LRP5: variants seen among roughly 807,000 people sequenced by gnomAD.
LRP5 encodes the protein LDL receptor related protein 5, also known as low-density lipoprotein receptor-related protein 5.
Under a neutral mutation model 154.1 loss-of-function variants are expected in LRP5, and 62 were observed. The observed-to-expected ratio is 0.40, with a 90% CI of 0.33 to 0.50. LRP5 has a LOEUF of 0.50. Among genes scored for constraint, LRP5 ranks in the 20% least tolerant of loss-of-function variants. The pLI is 0.55. For synonymous variants in LRP5, 966 were observed against 1,011.5 expected (o/e 0.96, Z 0.85); for missense variants, 1,915 against 2,336.7 (o/e 0.82, Z 3.72).
chr11:68,412,654 AAAG>A (rs1253088497), intron 11 of LRP5, among the ~76,000 whole-genome samples: 17 of 151,816 alleles, frequency 1.1e-4, no homozygotes, highest in South Asian at 6.2e-4. Flanking sequence ...AAAAAAAAAA[AAAG>A]AAGAAGAAAA....
intron 7 of LRP5, among the ~76,000 whole-genome samples, chr11:68,396,468 A>G (rs943792112): frequency 2.0e-5 from 3 of 152,220 alleles, no homozygotes; most frequent in South Asian, 4.1e-4. Flanking sequence ...TTTGAACACA[A>G]TCAGGCTCCA....
In LRP5 at chr11:68,369,752, C is replaced by T. The variant is rs369732428; in HGVS notation, c.1015+4050C>T. ...CCCTCACGTATCAGAGTTCCAGGAA[C>T]GGGTGTGGGCCCTGATAAAATCCCA... On this transcript the variant is annotated intron_variant, in intron 5 of 22. Transcript: ENST00000294304. Among the ~76,000 whole-genome samples the T allele has an allele frequency of 2.0e-5, 3 of 152,080 alleles. No individual in the cohort carries two copies. In the East Asian group the frequency reaches 5.8e-4, roughly 29 times the overall value.
rs80358312 is a variant in LRP5 at position 68,403,607 on chromosome 11, G to A, written c.1709G>A (p.Arg570Gln). The change falls in exon 8 of 23, where the codon CGG becomes CAG. Residue 570 changes from arginine to glutamine, a missense_variant. Physicochemically the swap from Arg to Gln is conservative, Grantham distance 43 (BLOSUM62 1). Transcript: ENST00000294304. ...GACTGGCAGCGCCGCAGCATCGAGCGGGTGCACAAGGTCAAGGCCAGCCGG... is the reference window on the plus strand; with the variant it reads ...GACTGGCAGCGCCGCAGCATCGAGCAGGTGCACAAGGTCAAGGCCAGCCGG... ...WTDWQRRSIE[R>Q]VHKVKASRDV... 6 of 1,614,054 alleles carry A rather than the reference G, an allele frequency of 3.7e-6. No individual in the cohort carries two copies. The highest frequency in any genetic ancestry group is 5.1e-6 in the Non-Finnish European group (6 of 1,180,050).
chr11:68,418,093 C>A (rs187116115), intron 13 of LRP5, among the ~76,000 whole-genome samples: 1 of 152,174 alleles, frequency 6.6e-6, no homozygotes, highest in Non-Finnish European at 1.5e-5. Flanking sequence ...GTGTAGAATT[C>A]CAGGACAGGC....
chr11:68,338,711 C>T (rs1364952599), intron 1 of LRP5, among the ~76,000 whole-genome samples: 3 of 152,062 alleles, frequency 2.0e-5, no homozygotes, highest in Admixed American at 6.6e-5. Flanking sequence ...GTTCTACGCC[C>T]GATTAAACCA....
At chr11:68,431,993 CAGA>C (rs1242680251) in intron 17 of LRP5, among the ~76,000 whole-genome samples, 5 of 152,214 alleles carry the variant, frequency 3.3e-5, no homozygotes, top group East Asian at 1.9e-4. Context: ...AGGGAGATCA[CAGA>C]AGGACAGGGC....
the LRP5 span, among the ~76,000 whole-genome samples, chr11:68,302,324 T>A: frequency 9.7e-4 from 122 of 126,184 alleles, no homozygotes; most frequent in African/African-American, 3.6e-3. Flanking sequence ...CCAGCCCTGA[T>A]GACAGAGCAA....
At chr11:68,427,278 C>G (rs2098669319) in intron 16 of LRP5, among the ~76,000 whole-genome samples, 1 of 152,160 alleles carries the variant, frequency 6.6e-6, no homozygotes, top group Non-Finnish European at 1.5e-5. Flanking sequence ...GAGGGGCCTC[C>G]ACAGCTGGGA....
intron 1 of LRP5, among the ~76,000 whole-genome samples, chr11:68,332,435 C>T (rs2098603414): frequency 6.6e-6 from 1 of 152,232 alleles, no homozygotes. Flanking sequence ...CTGCTCTGCA[C>T]CAGGTTCCAC....
In LRP5 at chr11:68,360,576, G is replaced by A. The variant is rs544502142; in HGVS notation, c.686+2729G>A. Among the ~76,000 whole-genome samples, 12 of 152,292 alleles carry A rather than the reference G, an allele frequency of 7.9e-5. No individual in the cohort carries two copies. The East Asian group carries it at 2.3e-3, about 29-fold the overall frequency. On this transcript the variant is annotated intron_variant, in intron 3 of 22. Transcript: ENST00000294304. ...TCTGGAGCCACACAGACCTGTGCAG[G>A]CCCCTTTATCTGTGACTGTGGCTGG...
At chr11:68,383,245 G>A (rs2098641241) in intron 5 of LRP5, among the ~76,000 whole-genome samples, 2 of 152,160 alleles carry the variant, frequency 1.3e-5, no homozygotes, top group South Asian at 4.1e-4. Context: ...TGTGTTTTGG[G>A]ATCAAGTGCC....
chr11:68,333,964 G>A (rs749012601), intron 1 of LRP5, among the ~76,000 whole-genome samples: 3 of 152,136 alleles, frequency 2.0e-5, no homozygotes, highest in East Asian at 1.9e-4. Flanking sequence ...CAGACCAGGC[G>A]CGGTGGCTCA....
chr11:68,308,630 G>A (rs1276492415), upstream of LRP5, among the ~76,000 whole-genome samples: 1 of 152,176 alleles, frequency 6.6e-6, no homozygotes, highest in Non-Finnish European at 1.5e-5. Flanking sequence ...GAATAAAATA[G>A]TGCTGAATTT....
chr11:68,313,760 C>T (rs1354867155), intron 1 of LRP5, among the ~76,000 whole-genome samples: 2 of 152,264 alleles, frequency 1.3e-5, no homozygotes, highest in Admixed American at 6.5e-5. Context: ...GTGCACGCCG[C>T]GGCTCCTGTT....
At chr11:68,360,794 G>A (rs1245928756) in intron 3 of LRP5, among the ~76,000 whole-genome samples, 1 of 151,880 alleles carries the variant, frequency 6.6e-6, no homozygotes, top group African/African-American at 2.4e-5. Flanking sequence ...TCAGGAGATC[G>A]AGACCATCCT....
intron 5 of LRP5, among the ~76,000 whole-genome samples, chr11:68,384,090 C>A (rs1382932645): frequency 5.3e-5 from 8 of 152,158 alleles, no homozygotes; most frequent in Admixed American, 4.6e-4. Flanking sequence ...AGCCCTGGGC[C>A]CGTGTCGCTG....
intron 13 of LRP5, among the ~76,000 whole-genome samples, chr11:68,417,449 CTTTTTTT>C (rs1161126346): frequency 2.4e-5 from 1 of 41,598 alleles, no homozygotes; most frequent in South Asian, 1.4e-3. Context: ...AACAGATTGG[CTTTTTTT>C]TTTTTTTTTT....
intron 1 of LRP5, among the ~76,000 whole-genome samples, chr11:68,322,079 C>A: frequency 6.6e-6 from 1 of 152,248 alleles, no homozygotes; most frequent in East Asian, 1.9e-4. Context: ...GCCATTTCTC[C>A]AAACTTTCCC....
intron 18 of LRP5, among the ~76,000 whole-genome samples, chr11:68,435,470 G>C (rs1025258477): frequency 2.9e-5 from 4 of 137,882 alleles, no homozygotes; most frequent in Admixed American, 7.3e-5. Flanking sequence ...CACATGGTGA[G>C]AGAGGGAGCA....
Sources: gnomAD v4.1 joint callset for allele counts (sites outside exome capture counted in the v4.1 genomes callset) on GRCh38, gnomAD v4.1.1 for gene constraint, MANE v1.5 for transcripts, NCBI Gene and HGNC (gene_info 2026-07-23, HGNC 2026-07-21) for gene names.